The following SAMSN1 variants were observed in gnomAD, a reference collection of about 807,000 sequenced individuals.
The protein encoded by SAMSN1 is SAM domain-containing protein SAMSN-1.
SAMSN1 carries 31 observed loss-of-function variants against 42.0 expected under a neutral mutation model. The ratio of observed to expected loss-of-function variants is 0.74; its 90% CI spans 0.55 to 1.00. The LOEUF is 1.00. Ranked by LOEUF, SAMSN1 falls within the 50% of genes least tolerant of loss-of-function variation. The pLI is 0.00. For synonymous variants in SAMSN1, 178 were observed against 151.9 expected (o/e 1.17, Z -1.26); for missense variants, 464 against 439.4 (o/e 1.06, Z -0.50).
At chr21:14,595,053 G>A (rs903906965) in intron 6 of SAMSN1, among the ~76,000 whole-genome samples, 2 of 152,062 alleles carry the variant, frequency 1.3e-5, no homozygotes, top group Non-Finnish European at 2.9e-5. Flanking sequence ...CTACACACTT[G>A]TAAACAACCA....
At chr21:14,528,231 T>C (rs1356000647) in intron 1 of SAMSN1, among the ~76,000 whole-genome samples, 1 of 152,150 alleles carries the variant, frequency 6.6e-6, no homozygotes, top group Admixed American at 6.5e-5. Context: ...TATAAAATTA[T>C]GTTATTGTGC....
chr21:14,544,836 C>G (rs897370914), intron 1 of SAMSN1, among the ~76,000 whole-genome samples: 21 of 152,022 alleles, frequency 1.4e-4, no homozygotes, highest in African/African-American at 5.1e-4. Flanking sequence ...TAAATACTCT[C>G]TCTTTAGATT....
intron 1 of SAMSN1, among the ~76,000 whole-genome samples, chr21:14,648,736 G>T (rs1271540968): frequency 6.6e-6 from 1 of 151,664 alleles, no homozygotes; most frequent in Non-Finnish European, 1.5e-5. Context: ...TCTCACACCA[G>T]TTAGAATGGC....
intron 6 of SAMSN1, among the ~76,000 whole-genome samples, chr21:14,499,903 G>A (rs1398133283): frequency 1.3e-5 from 2 of 152,104 alleles, no homozygotes; most frequent in Non-Finnish European, 2.9e-5. Flanking sequence ...GAAATGGATT[G>A]CAAAACTGTA....
intron 6 of SAMSN1, among the ~76,000 whole-genome samples, chr21:14,600,746 A>G (rs1365329511): frequency 6.6e-6 from 1 of 152,184 alleles, no homozygotes; most frequent in Non-Finnish European, 1.5e-5. Flanking sequence ...TCTCCTGGCC[A>G]GCAGACAATG....
At chr21:14,648,088 G>T (rs1244913501) in intron 1 of SAMSN1, among the ~76,000 whole-genome samples, 5 of 150,502 alleles carry the variant, frequency 3.3e-5, no homozygotes, top group Non-Finnish European at 7.4e-5. Flanking sequence ...AATGCTTCCA[G>T]TTTTTGCCCA....
At chr21:14,513,961 A>G (rs1187643297) in intron 3 of SAMSN1, among the ~76,000 whole-genome samples, 1 of 152,168 alleles carries the variant, frequency 6.6e-6, no homozygotes, top group East Asian at 1.9e-4. Context: ...GAAATGTGCC[A>G]CTTAGATCTC....
upstream of SAMSN1, among the ~76,000 whole-genome samples, chr21:14,586,330 A>G (rs1333083210): frequency 6.6e-6 from 1 of 151,562 alleles, no homozygotes; most frequent in Non-Finnish European, 1.5e-5. Context: ...TAATAACCCT[A>G]TTTATCTCAA....
chr21:14,566,884 G>T (rs546270362), intron 2 of SAMSN1, among the ~76,000 whole-genome samples: 1 of 152,044 alleles, frequency 6.6e-6, no homozygotes, highest in African/African-American at 2.4e-5. Flanking sequence ...CCAGTACAAA[G>T]AAACACACAC....
chr21:14,587,009 T>A (rs1210202341), upstream of SAMSN1, among the ~76,000 whole-genome samples: 4 of 152,152 alleles, frequency 2.6e-5, no homozygotes, highest in Non-Finnish European at 5.9e-5. Flanking sequence ...ACAGAGATCC[T>A]TCCAGGAAGC....
chr21:14,614,671 CTTTTGT>C lies in SAMSN1; in HGVS notation c.197+1299_197+1304del, dbSNP rs746025124. ...TATATAAGGTTTCCTTTTTCTTAATCTTTTGTTTTTAATTTTTAATGCAAAATGCTT... is the reference window on the plus strand; with the variant it reads ...TATATAAGGTTTCCTTTTTCTTAATCTTTTAATTTTTAATGCAAAATGCTT... On this transcript the variant is annotated intron_variant, in intron 3 of 15. Coordinates refer to the SAMSN1 transcript ENST00000647101. 4.7e-4 allele frequency among the ~76,000 whole-genome samples: 71 copies of C among 152,196 alleles called. 1 individual carries two copies. The highest frequency in any genetic ancestry group is 3.4e-3 in the Middle Eastern group (1 of 294).
Position 14,510,438 on chromosome 21 carries a change from C to T in SAMSN1, c.433G>A (p.Gly145Ser). ...SSSGITSCSD[G>S]TSNRDSFRLD... ...CGAAAGCTGTCCCGGTTACTTGTAC[C>T]ATCTGAACAGCTTGTTATGCCACCT... Residue 145 changes from glycine (G) to serine (S), a missense_variant, in exon 5 of 8, where the codon GGT (glycine) becomes AGT (serine). By Grantham distance (56) the Gly-to-Ser change is moderately conservative. Coordinates refer to ENST00000400566, the MANE Select transcript of SAMSN1 (RefSeq NM_022136.5). The T allele has an allele frequency of 6.2e-7, 1 of 1,614,140 alleles. No homozygotes were observed. The highest frequency in any genetic ancestry group is 8.5e-7 in the Non-Finnish European group (1 of 1,180,000).
chr21:14,545,160 CA>C (rs1442136494), intron 1 of SAMSN1, among the ~76,000 whole-genome samples: 1 of 151,968 alleles, frequency 6.6e-6, no homozygotes, highest in Non-Finnish European at 1.5e-5. Context: ...TCTCAGTTTC[CA>C]AAGATAAGAA....
chr21:14,577,238 G>GCA lies in SAMSN1; in HGVS notation c.261+4897_261+4898insTG, dbSNP rs1555838740. Among the ~76,000 whole-genome samples, 6 of 28,178 alleles carry GCA rather than the reference G, an allele frequency of 2.1e-4. 1 individual carries two copies. In the East Asian group the frequency reaches 4.1e-3, roughly 19 times the overall value. The allele number at this position is 28,178 out of a possible 152,430, so 18.5% of individuals were successfully genotyped here. A position where few individuals can be genotyped will look rare whatever the true frequency, so the allele number is the denominator to read the frequency against. On this transcript the variant is annotated intron_variant, in intron 2 of 8. Coordinates refer to the SAMSN1 transcript ENST00000285670. ...GGTGGGCTAATTTATATATATGTGTGTATATATATATATATATATATATAT... is the reference window on the plus strand; with the variant it reads ...GGTGGGCTAATTTATATATATGTGTGCATATATATATATATATATATATATAT...
chr21:14,518,459 G>A (rs989479521), intron 2 of SAMSN1, among the ~76,000 whole-genome samples: 11 of 151,808 alleles, frequency 7.2e-5, no homozygotes, highest in Non-Finnish European at 1.5e-5. Context: ...TTTTTTCTTG[G>A]AGGACATGTT....
At chr21:14,530,043 G>A (rs1016803890) in intron 1 of SAMSN1, among the ~76,000 whole-genome samples, 1 of 152,090 alleles carries the variant, frequency 6.6e-6, no homozygotes, top group Non-Finnish European at 1.5e-5. Flanking sequence ...CTGGCCGGGC[G>A]CAGTGGCTCA....
chr21:14,521,454 C>T (rs1384558741), intron 1 of SAMSN1, among the ~76,000 whole-genome samples: 1 of 152,074 alleles, frequency 6.6e-6, no homozygotes, highest in Non-Finnish European at 1.5e-5. Context: ...AAGTAAGCAC[C>T]TTGGAGAAAA....
At chr21:14,599,916 A>G (rs1169134451) in intron 6 of SAMSN1, among the ~76,000 whole-genome samples, 1 of 152,020 alleles carries the variant, frequency 6.6e-6, no homozygotes, top group African/African-American at 2.4e-5. Context: ...CACAAAATGG[A>G]CTAAGACACT....
chr21:14,583,686 T>C, upstream of SAMSN1: 1 of 717,514 alleles, frequency 1.4e-6, no homozygotes, highest in Non-Finnish European at 2.6e-6. Flanking sequence ...TCATCCAGAT[T>C]CTGCACTCTG....
Sources: gnomAD v4.1 joint callset for allele counts (sites outside exome capture counted in the v4.1 genomes callset) on GRCh38, gnomAD v4.1.1 for gene constraint, MANE v1.5 for transcripts, NCBI Gene and HGNC (gene_info 2026-07-23, HGNC 2026-07-21) for gene names.